ABL2: variants seen among roughly 807,000 people sequenced by gnomAD.
ABL2 encodes the protein ABL proto-oncogene 2, non-receptor tyrosine kinase.
A neutral mutation model predicts 107.7 loss-of-function variants in ABL2; 49 were observed. The ratio of observed to expected loss-of-function variants is 0.45; its 90% confidence interval spans 0.36 to 0.58. The LOEUF (loss-of-function observed/expected upper bound fraction) is 0.58. Among genes scored for constraint, ABL2 ranks in the 20% least tolerant of loss-of-function variants. The pLI is 0.00. For synonymous variants in ABL2, 549 were observed against 548.6 expected (o/e 1.00, Z -0.01); for missense variants, 1,245 against 1,457.0 (o/e 0.85, Z 2.37).
Position 179,169,866 on chromosome 1 carries a change from A to G in ABL2, c.158-36492T>C, listed in dbSNP as rs116305929. Among the ~76,000 whole-genome samples the G allele has an allele frequency of 1.5e-3, 226 of 152,054 alleles. 1 individual carries two copies. The highest frequency in any genetic ancestry group is 5.3e-3 in the African/African-American group (221 of 41,484). On this transcript the variant is annotated intron_variant, in intron 1 of 11. Coordinates refer to ENST00000502732, the MANE Select transcript of ABL2 (RefSeq NM_007314.4). Reference sequence around the variant, plus strand: ...AACAACAAAAAAGTGAGATCTCTATAAAACATTAAAAAATTGGCTGGGCAG... The same window carrying G: ...AACAACAAAAAAGTGAGATCTCTATGAAACATTAAAAAATTGGCTGGGCAG...
At chr1:179,127,156 G>A (rs2102648419) in intron 3 of ABL2, among the ~76,000 whole-genome samples, 1 of 151,866 alleles carries the variant, frequency 6.6e-6, no homozygotes, top group East Asian at 1.9e-4. Context: ...TGGCACCAAG[G>A]CAACAAAACC....
intron 1 of ABL2, among the ~76,000 whole-genome samples, chr1:179,208,389 G>C (rs773978870): frequency 4.0e-5 from 6 of 151,654 alleles, no homozygotes; most frequent in Non-Finnish European, 5.9e-5. Context: ...ACTTATAAGT[G>C]AGAACACAGG....
At position 179,108,358 on chromosome 1, in the gene ABL2, C is replaced by G; in HGVS notation, c.2909G>C (p.Gly970Ala). ...TACCCGTCGGGGTCGGTCCTTGTCT[C>G]CAGAGGATGTGACCTGATGCTCAGA... is the stretch of plus-strand genomic sequence containing the variant. ...LLSEHQVTSS[G>A]DKDRPRRVKP... Residue 970 changes from glycine (G) to alanine (A), a missense_variant, in exon 12 of 12, where the codon GGA becomes GCA. Transcript: ENST00000502732. 1 of 1,614,204 alleles carries G rather than the reference C, an allele frequency of 6.2e-7. No homozygotes were observed. Among genetic ancestry groups the G allele is most frequent in the African/African-American group, 1.3e-5 (1 of 75,046 alleles).
intron 7 of ABL2, among the ~76,000 whole-genome samples, chr1:179,117,766 G>A (rs552032257): frequency 6.6e-6 from 1 of 152,232 alleles, no homozygotes; most frequent in East Asian, 1.9e-4. Flanking sequence ...GGATAGGTGA[G>A]CAATAGATGC....
intron 1 of ABL2, among the ~76,000 whole-genome samples, chr1:179,216,871 G>A (rs1201636080): frequency 6.6e-6 from 1 of 151,706 alleles, no homozygotes; most frequent in Non-Finnish European, 1.5e-5. Context: ...TTTAGTAGAG[G>A]TGGGGTTTCA....
intron 1 of ABL2, among the ~76,000 whole-genome samples, chr1:179,210,733 A>G (rs1184469676): frequency 6.6e-6 from 1 of 151,630 alleles, no homozygotes; most frequent in Non-Finnish European, 1.5e-5. Context: ...GGGCGCCTGT[A>G]GTCCCAGCTA....
At chr1:179,200,167 C>G (rs1661584855) in intron 1 of ABL2, among the ~76,000 whole-genome samples, 1 of 151,418 alleles carries the variant, frequency 6.6e-6, no homozygotes, top group African/African-American at 2.4e-5. Context: ...GTGCTTCAGC[C>G]TCCTGAGTAG....
chr1:179,193,541 A>T (rs1661136677), intron 1 of ABL2, among the ~76,000 whole-genome samples: 1 of 151,506 alleles, frequency 6.6e-6, no homozygotes, highest in African/African-American at 2.4e-5. Context: ...AATAGCTGGG[A>T]TAACAAGCGC....
chr1:179,191,104 A>C (rs1422911040), intron 1 of ABL2, among the ~76,000 whole-genome samples: 1 of 152,200 alleles, frequency 6.6e-6, no homozygotes, highest in Non-Finnish European at 1.5e-5. Flanking sequence ...ATTGCCAAGA[A>C]GGCCACAGGA....
intron 4 of ABL2, among the ~76,000 whole-genome samples, chr1:179,125,415 T>C (rs190989098): frequency 4.0e-4 from 61 of 152,324 alleles, no homozygotes; most frequent in Non-Finnish European, 5.1e-4. Flanking sequence ...CAAGCAATGC[T>C]GCTATGAACA....
At chr1:179,161,019 C>A (rs987050170) in intron 1 of ABL2, among the ~76,000 whole-genome samples, 51 of 152,128 alleles carry the variant, frequency 3.4e-4, no homozygotes, top group African/African-American at 1.2e-3. Flanking sequence ...TAGGTGTGAG[C>A]CACCATGCCC....
rs771959958 is a variant in ABL2 at position 179,110,758 on chromosome 1, T to C, written c.1652-303A>G. ...TGTTTAGGTTGTTTCCAGTTTGGAG[T>C]TACTATGAATACGTTGCTAGCATCA... On this transcript the variant is annotated intron_variant, in intron 10 of 11. Transcript: ENST00000502732. 7 of 1,613,696 alleles carry C rather than the reference T, an allele frequency of 4.3e-6. No homozygotes were observed. In the South Asian group the frequency reaches 4.4e-5, roughly 10 times the overall value.
At chr1:179,153,276 C>A (rs1166996127) in intron 1 of ABL2, among the ~76,000 whole-genome samples, 1 of 152,078 alleles carries the variant, frequency 6.6e-6, no homozygotes, top group Non-Finnish European at 1.5e-5. Flanking sequence ...ACAATTCTTT[C>A]AGTTATAAAC....
intron 1 of ABL2, among the ~76,000 whole-genome samples, chr1:179,156,740 G>A (rs551234036): frequency 4.6e-5 from 7 of 152,106 alleles, no homozygotes; most frequent in African/African-American, 1.7e-4. Flanking sequence ...TTAGCTTGGC[G>A]TGGTGGTGGC....
chr1:179,141,107 C>T (rs1392578522), intron 1 of ABL2, among the ~76,000 whole-genome samples: 1 of 138,582 alleles, frequency 7.2e-6, no homozygotes, highest in Non-Finnish European at 1.5e-5. Context: ...CAAAGCAAGA[C>T]TCTGTCTCAA....
At chr1:179,228,529 T>C (rs1663362192) in intron 1 of ABL2, among the ~76,000 whole-genome samples, 1 of 152,174 alleles carries the variant, frequency 6.6e-6, no homozygotes, top group Non-Finnish European at 1.5e-5. Flanking sequence ...GTTCATATCC[T>C]GACTGACGTC....
At chr1:179,130,854 G>A (rs1243883797) in intron 3 of ABL2, among the ~76,000 whole-genome samples, 3 of 151,708 alleles carry the variant, frequency 2.0e-5, no homozygotes, top group African/African-American at 7.3e-5. Context: ...TACATGAACT[G>A]GATTGCTAGT....
chr1:179,176,822 A>G (rs1363211385), intron 1 of ABL2, among the ~76,000 whole-genome samples: 2 of 151,058 alleles, frequency 1.3e-5, no homozygotes, highest in Non-Finnish European at 2.9e-5. Flanking sequence ...CAGCCTCCCA[A>G]GTAGCTGGGA....
chr1:179,127,221 C>G (rs746688897), intron 3 of ABL2, among the ~76,000 whole-genome samples: 5 of 151,994 alleles, frequency 3.3e-5, no homozygotes, highest in Non-Finnish European at 5.9e-5. Context: ...AAAAAAAACA[C>G]GGACCACAGA....
Sources: allele counts gnomAD v4.1 joint callset (sites outside exome capture counted in the v4.1 genomes callset), GRCh38; gene constraint gnomAD v4.1.1; transcripts MANE v1.5; gene names NCBI Gene and HGNC (gene_info 2026-07-23, HGNC 2026-07-21).